The following FPGS variants were observed in gnomAD, a reference collection of about 807,000 sequenced individuals.
FPGS encodes folylpolyglutamate synthase, mitochondrial.
In FPGS, 53 loss-of-function variants were observed where a neutral mutation model predicts 66.5. The ratio of observed to expected loss-of-function variants is 0.80; its 90% CI spans 0.64 to 1.00. The LOEUF is 1.00. Ranked by LOEUF, FPGS falls within the 50% of genes least tolerant of loss-of-function variation. The probability of loss-of-function intolerance (pLI) is 0.00; values close to 1 mark genes in which losing one functional copy is unlikely to be tolerated. For missense variants in FPGS, 702 were observed against 807.7 expected, an observed-to-expected ratio of 0.87 and a Z score of 1.59; for synonymous variants, 348 against 350.9, an observed-to-expected ratio of 0.99 and a Z score of 0.09.
In FPGS at chr9:127,813,919, C is replaced by T; in HGVS notation, c.*315C>T. On this transcript the variant is annotated 3_prime_UTR_variant, in exon 15 of 15. Transcript: ENST00000373247. ...AGGCCCAGCTTATTGTGTGCGCTGC[C>T]TGGCCAGGCCCTGGGTCTTGCCATG... The T allele has an allele frequency of 8.7e-7, 1 of 1,146,406 alleles. No individual in the cohort carries two copies. The highest frequency in any genetic ancestry group is 1.1e-6 in the Non-Finnish European group (1 of 933,844). The allele number at this position is 1,146,406 out of a possible 1,614,324, so 71.0% of individuals were successfully genotyped here.
rs144175156 is a variant in FPGS, at chr9:127,808,647, C to T, written c.912C>T (p.Ser304=). ...GCCTGGAGGGGGAGCACCAGCGGTC[C>T]AACGCCGCCTTGGCCTTGCAGCTGG... The part of the protein sequence containing the change: ...TLGLEGEHQR[S]NAALALQLAH... Residue 304 remains serine, a synonymous_variant, in exon 10 of 15, where the codon TCC becomes TCT. Transcript: ENST00000373247. The T allele has an allele frequency of 1.3e-4, 205 of 1,608,190 alleles. 1 individual carries two copies. The highest frequency in any genetic ancestry group is 1.7e-4 in the Non-Finnish European group (201 of 1,178,060).
chr9:127,803,370 G>A (rs1353099031), intron 1 of FPGS: 2 of 1,128,080 alleles, frequency 1.8e-6, no homozygotes, highest in African/African-American at 1.6e-5. Context: ...CAGTGATCCC[G>A]GAGTCTGAAC....
chr9:127,807,830 A>G lies in FPGS; in HGVS notation c.744+142A>G. Reference sequence around the variant, plus strand: ...ATTGAAACGTGAGGGATGGCTGGGCATGGTGGCTTATATGCTTGCAATCCC... The same window carrying G: ...ATTGAAACGTGAGGGATGGCTGGGCGTGGTGGCTTATATGCTTGCAATCCC... On this transcript the variant is annotated intron_variant, in intron 8 of 14. Coordinates refer to ENST00000373247, the MANE Select transcript of FPGS (RefSeq NM_004957.6). The surrounding 1 kb of genome is among the most constrained non-coding windows in gnomAD (Gnocchi z 5.8). The G allele has an allele frequency of 1.6e-6, 1 of 611,732 alleles. No individual in the cohort carries two copies. Among genetic ancestry groups the G allele is most frequent in the Non-Finnish European group, 2.8e-6 (1 of 351,620 alleles). The allele number at this position is 611,732 out of a possible 1,614,324, so 37.9% of individuals were successfully genotyped here.
chr9:127,809,153 C>G (rs1450966282), intron 11 of FPGS, among the ~76,000 whole-genome samples: 1 of 152,102 alleles, frequency 6.6e-6, no homozygotes, highest in Non-Finnish European at 1.5e-5. Flanking sequence ...GGTGACATCA[C>G]TAAGGTGCTG....
intron 12 of FPGS, 94 bp from the exon 13 acceptor site, chr9:127,809,937 C>G: frequency 2.0e-6 from 1 of 506,840 alleles, no homozygotes; most frequent in Non-Finnish European, 3.0e-6. Context: ...GGGGCGGGCC[C>G]ATGGGGAGGG....
intron 13 of FPGS, 78 bp from the exon 14 acceptor site, chr9:127,810,867 T>G: frequency 1.4e-6 from 1 of 725,574 alleles, no homozygotes; most frequent in Non-Finnish European, 2.4e-6. Flanking sequence ...TCCAGAGATG[T>G]GGGCGCAGGG....
In FPGS at chr9:127,813,155, C is replaced by T. The variant is rs372026376; in HGVS notation, c.1355-40C>T. 246 of 1,526,168 alleles carry T rather than the reference C, an allele frequency of 1.6e-4. 1 individual carries two copies. The highest frequency in any genetic ancestry group is 2.0e-4 in the Non-Finnish European group (231 of 1,133,740). The allele number at this position is 1,526,168 out of a possible 1,614,324, so 94.5% of individuals were successfully genotyped here. A position where few individuals can be genotyped will look rare whatever the true frequency, so the allele number is the denominator to read the frequency against. The stretch of plus-strand genomic sequence containing the variant: ...TTTCTCCACCCCTGTCCCTTACTCC[C>T]TCTCCCCTTCGCTGATAGGCCTTTC... On this transcript the variant is annotated intron_variant, in intron 14 of 14. Coordinates refer to ENST00000373247, the MANE Select transcript of FPGS (RefSeq NM_004957.6).
In FPGS at chr9:127,804,656, G is replaced by C. The variant is rs746977203; in HGVS notation, c.342G>C (p.Thr114=). The change falls in exon 4 of 15, where the codon ACG becomes ACC. Residue 114 remains threonine (T), a synonymous_variant. Coordinates refer to ENST00000373247, the MANE Select transcript of FPGS (RefSeq NM_004957.6). ...TCAAGGGCTCCACCTGTGCCTTCAC[G>C]GAATGTATCCTCCGAAGCTATGGCC... The part of the protein sequence containing the change: ...TKGKGSTCAF[T]ECILRSYGLK... 6.2e-7 allele frequency: 1 copy of C among 1,613,992 alleles called. No individual in the cohort carries two copies. Among genetic ancestry groups the C allele is most frequent in the Admixed American group, 1.7e-5 (1 of 59,980 alleles).
chr9:127,812,725 C>G (rs1000280267), intron 14 of FPGS, among the ~76,000 whole-genome samples: 1 of 151,960 alleles, frequency 6.6e-6, no homozygotes, highest in Non-Finnish European at 1.5e-5. Flanking sequence ...CGGGGTTTCA[C>G]CATGTTGGCC....
At position 127,813,368 on chromosome 9, in the gene FPGS, T is replaced by C; in HGVS notation, c.1528T>C (p.Cys510Arg). ...LLLAPHPPHTCSASSLVFSCI... is the reference protein window; with the variant it reads ...LLLAPHPPHTRSASSLVFSCI... ...TCTGGCGCCCCACCCACCCCACACC[T>C]GCAGTGCCAGCTCCCTCGTCTTCAG... The change falls in exon 15 of 15, where the codon TGC becomes CGC. Residue 510 changes from cysteine to arginine, a missense_variant. This residue lies in a region of FPGS where 351 missense variants were observed against 363.7 expected (regional missense o/e 0.97). Transcript: ENST00000373247. 1 of 1,609,828 alleles carries C rather than the reference T, an allele frequency of 6.2e-7. No individual in the cohort carries two copies. Among genetic ancestry groups the C allele is most frequent in the Non-Finnish European group, 8.5e-7 (1 of 1,177,074 alleles).
intron 10 of FPGS, 34 bp downstream of exon 10, chr9:127,808,739 T>G (rs1588557936): frequency 6.4e-7 from 1 of 1,562,612 alleles, no homozygotes. Flanking sequence ...GGCAGGTGGG[T>G]GGCACCTGTG....
At chr9:127,805,608 AAAATG>A (rs1161448433) in intron 4 of FPGS, among the ~76,000 whole-genome samples, 1 of 152,188 alleles carries the variant, frequency 6.6e-6, no homozygotes, top group African/African-American at 2.4e-5. Context: ...TATTAAAAAA[AAAATG>A]AAAAGAAAAA....
chr9:127,810,014 C>G lies in FPGS; in HGVS notation c.1212-17C>G. The G allele has an allele frequency of 6.2e-7, 1 of 1,606,828 alleles. No individual in the cohort carries two copies. Among genetic ancestry groups the G allele is most frequent in the Non-Finnish European group, 8.5e-7 (1 of 1,177,266 alleles). On this transcript the variant is annotated splice_polypyrimidine_tract_variant and intron_variant, in intron 12 of 14. Transcript: ENST00000373247. ...ACGGGCGGCGCCCTTTGACCCAGCT[C>G]CTCACCTCTGTCGCAGTGGCCCCGA...
At position 127,807,071 on chromosome 9, in the gene FPGS, G is replaced by A. The variant is rs751153314; in HGVS notation, c.485G>A (p.Arg162Gln). 10 of 1,613,966 alleles carry A rather than the reference G, an allele frequency of 6.2e-6. No homozygotes were observed. Among genetic ancestry groups the A allele is most frequent in the Admixed American group, 5.0e-5 (3 of 60,000 alleles). The change falls in exon 5 of 15, where the codon CGG becomes CAG. Residue 162 changes from arginine (R) to glutamine (Q), a missense_variant. Transcript: ENST00000373247. The surrounding 1 kb of genome is among the most constrained non-coding windows in gnomAD (Gnocchi z 5.8). ...FTKYFWRLYH[R>Q]LEETKDGSCV... is the part of the protein sequence containing the mutation. ...AAGTACTTCTGGCGCCTCTACCACCGGCTGGAGGAGACCAAGGTGCCGCAT... is the reference window on the plus strand; with the variant it reads ...AAGTACTTCTGGCGCCTCTACCACCAGCTGGAGGAGACCAAGGTGCCGCAT...
rs1830198876 is a variant in FPGS at position 127,813,850 on chromosome 9, C to T, written c.*246C>T. 7 of 1,233,662 alleles carry T rather than the reference C, an allele frequency of 5.7e-6. No individual in the cohort carries two copies. Among genetic ancestry groups the T allele is most frequent in the Non-Finnish European group, 7.1e-6 (7 of 989,518 alleles). 76.4% of individuals were successfully genotyped at this position (1,233,662 alleles called of 1,614,324 possible). On this transcript the variant is annotated 3_prime_UTR_variant, in exon 15 of 15. Transcript: ENST00000373247. ...GTCTCTCACTGTTGCAGTGGCCTGG[C>T]CGTTCAGCCTGTCTCCCCCAACACC...
chr9:127,810,700 C>T (rs1830037151), intron 13 of FPGS, among the ~76,000 whole-genome samples: 1 of 152,188 alleles, frequency 6.6e-6, no homozygotes, highest in Non-Finnish European at 1.5e-5. Flanking sequence ...AGTCCCCTTG[C>T]CCTGTGGCCA....
intron 4 of FPGS, among the ~76,000 whole-genome samples, chr9:127,805,705 C>T (rs2131845908): frequency 6.6e-6 from 1 of 152,322 alleles, no homozygotes; most frequent in Middle Eastern, 3.4e-3. Context: ...AGAAAATTGC[C>T]TTGCAAGGGC....
chr9:127,810,068 G>C lies in FPGS; in HGVS notation c.1249G>C (p.Gly417Arg), dbSNP rs1313539642. 9.3e-6 allele frequency: 15 copies of C among 1,613,086 alleles called. No individual in the cohort carries two copies. Among genetic ancestry groups the C allele is most frequent in the Non-Finnish European group, 1.3e-5 (15 of 1,179,834 alleles). The change falls in exon 13 of 15, where the codon GGG (glycine) becomes CGG (arginine). Residue 417 changes from glycine to arginine, a missense_variant. Gly to Arg is a moderately radical substitution (Grantham distance 125). Around this residue, in one of 3 missense-constraint regions of FPGS, gnomAD observed 351 missense variants for 363.7 expected, o/e 0.97. Coordinates refer to ENST00000373247, the MANE Select transcript of FPGS (RefSeq NM_004957.6). ...EVRVLLFNAT[G>R]DRDPAALLKL... The stretch of plus-strand genomic sequence containing the variant: ...TCGAGTCTTGCTCTTCAATGCTACC[G>C]GGGACCGGGACCCGGCGGCCCTGCT...
intron 4 of FPGS, chr9:127,806,348 A>G (rs1588553546): frequency 6.5e-6 from 1 of 153,522 alleles, no homozygotes; most frequent in Non-Finnish European, 1.5e-5. Context: ...TCTACTAAAA[A>G]TACAAGAATC....
Sources: allele counts gnomAD v4.1 joint callset (sites outside exome capture counted in the v4.1 genomes callset), GRCh38; gene constraint gnomAD v4.1.1; regional missense constraint gnomAD v4.1.1; non-coding constraint Gnocchi (gnomAD v3.1); transcripts MANE v1.5; gene names NCBI Gene and HGNC (gene_info 2026-07-23, HGNC 2026-07-21).